The following LRP11 variants were observed in gnomAD, a reference collection of about 807,000 sequenced individuals.
LRP11 encodes the protein low-density lipoprotein receptor-related protein 11.
Under a neutral mutation model 43.1 loss-of-function variants are expected in LRP11, and 25 were observed. That is an observed-to-expected ratio of 0.58 (90% CI 0.42 to 0.81). LRP11 has a LOEUF of 0.81. Ranked by LOEUF, LRP11 falls within the 30% of genes least tolerant of loss-of-function variation. The pLI, the probability that LRP11 is intolerant of heterozygous loss-of-function variation, is 0.00. For missense variants in LRP11, 623 were observed against 665.1 expected, an observed-to-expected ratio of 0.94 and a Z score of 0.70; for synonymous variants, 316 against 299.4, an observed-to-expected ratio of 1.06 and a Z score of -0.57.
rs746258999 is a variant in LRP11, at chr6:149,863,886, C to A, written c.135G>T (p.Leu45=). ...GRAALPPAAP[L]SELHAQLSGV... is the part of the protein sequence containing the mutation. ...CCGACAGCTGCGCGTGCAGTTCGGACAGCGGCGCCGCGGGCGGCAAGGCCG... is the reference window on the plus strand; with the variant it reads ...CCGACAGCTGCGCGTGCAGTTCGGAAAGCGGCGCCGCGGGCGGCAAGGCCG... Residue 45 remains leucine (L), a synonymous_variant, in exon 1 of 7, where the codon CTG becomes CTT. Transcript: ENST00000239367. 16 of 1,494,924 alleles carry A rather than the reference C, an allele frequency of 1.1e-5. No homozygotes were observed. Among genetic ancestry groups the A allele is most frequent in the Non-Finnish European group, 1.4e-5 (16 of 1,130,600 alleles). 92.6% of individuals were successfully genotyped at this position (1,494,924 alleles called of 1,614,324 possible).
At chr6:149,831,081 G>C (rs1776402513) in intron 5 of LRP11, among the ~76,000 whole-genome samples, 1 of 152,188 alleles carries the variant, frequency 6.6e-6, no homozygotes, top group African/African-American at 2.4e-5. Context: ...ACTTGCTTCT[G>C]GAAATAGTTA....
intron 3 of LRP11, chr6:149,842,515 G>GT: frequency 1.2e-6 from 1 of 809,850 alleles, no homozygotes; most frequent in Non-Finnish European, 2.1e-6. Context: ...TCCGGTCTCA[G>GT]TGACACTTTG....
chr6:149,844,579 T>C (rs1275344629), intron 2 of LRP11, among the ~76,000 whole-genome samples: 1 of 152,212 alleles, frequency 6.6e-6, no homozygotes, highest in Non-Finnish European at 1.5e-5. Flanking sequence ...CTCCTAATGA[T>C]TCTATTACCT....
intron 1 of LRP11, among the ~76,000 whole-genome samples, chr6:149,854,858 G>A (rs1426537677): frequency 6.6e-6 from 1 of 152,178 alleles, no homozygotes; most frequent in Non-Finnish European, 1.5e-5. Flanking sequence ...ACACATCCCA[G>A]TGCTTGAGTT....
chr6:149,831,864 T>C (rs1048972015), intron 5 of LRP11, among the ~76,000 whole-genome samples: 2 of 152,176 alleles, frequency 1.3e-5, no homozygotes, highest in Non-Finnish European at 2.9e-5. Context: ...GGTTTTGCCA[T>C]GTTGCTAGGG....
chr6:149,842,844 T>A, intron 3 of LRP11, 139 bp downstream of exon 3: 1 of 1,225,172 alleles, frequency 8.2e-7, no homozygotes, highest in Admixed American at 2.3e-5. Flanking sequence ...TTATTGTGTT[T>A]TTAGCAAAGA....
intron 1 of LRP11, among the ~76,000 whole-genome samples, chr6:149,860,512 C>T (rs1776875565): frequency 1.3e-5 from 2 of 150,336 alleles, no homozygotes; most frequent in African/African-American, 4.8e-5. Context: ...GTATCATGTA[C>T]ATGCGTGCCA....
At chr6:149,849,625 T>C (rs1776689943) in intron 2 of LRP11, among the ~76,000 whole-genome samples, 1 of 152,092 alleles carries the variant, frequency 6.6e-6, no homozygotes, top group Non-Finnish European at 1.5e-5. Flanking sequence ...GCCATGACTA[T>C]AGTCCCAGCT....
chr6:149,849,006 G>A (rs1340117346), intron 2 of LRP11, among the ~76,000 whole-genome samples: 2 of 152,180 alleles, frequency 1.3e-5, no homozygotes, highest in Admixed American at 1.3e-4. Flanking sequence ...CTCACTAGAC[G>A]CCAAAGCTGA....
chr6:149,826,006 C>A, intron 6 of LRP11: 1 of 444,712 alleles, frequency 2.2e-6, no homozygotes, highest in Non-Finnish European at 4.1e-6. Context: ...TCCCACCATG[C>A]CACAAGTATG....
At chr6:149,842,838 T>G in intron 3 of LRP11, 145 bp downstream of exon 3, 4 of 1,204,956 alleles carry the variant, frequency 3.3e-6, no homozygotes, top group Non-Finnish European at 4.6e-6. Context: ...CTTTTGTTAT[T>G]GTGTTTTTAG....
chr6:149,824,941 G>A (rs1392758249), intron 6 of LRP11, among the ~76,000 whole-genome samples: 3 of 152,190 alleles, frequency 2.0e-5, no homozygotes, highest in African/African-American at 7.2e-5. Context: ...GGATACATAT[G>A]TGTGGGGAGG....
Position 149,842,464 on chromosome 6 carries a change from A to G in LRP11, c.913+519T>C. 6.4e-6 allele frequency: 4 copies of G among 621,902 alleles called. No individual in the cohort carries two copies. In the East Asian group the frequency reaches 8.3e-5, roughly 13 times the overall value. The allele number at this position is 621,902 out of a possible 1,614,324, so 38.5% of individuals were successfully genotyped here. ...AACAGACAATACATTATCATTAACT[A>G]TAGTCACCATGCTGTGCAACAGATC... On this transcript the variant is annotated intron_variant, in intron 3 of 6. Transcript: ENST00000239367.
rs1776357956 is a variant in LRP11 at position 149,827,708 on chromosome 6, C to A, written c.1253-1349G>T. Among the ~76,000 whole-genome samples the A allele has an allele frequency of 2.0e-5, 3 of 152,246 alleles. No individual in the cohort carries two copies. In the South Asian group the frequency reaches 6.2e-4, roughly 31 times the overall value. On this transcript the variant is annotated intron_variant, in intron 5 of 6. Transcript: ENST00000239367. The surrounding 1 kb of genome is among the most constrained non-coding windows in gnomAD (Gnocchi z 4.2). ...GTTACTGTCCAACTCACTGCAGTAGCCACGACAGTGGTCACCAAGGACCTC... is the reference window on the plus strand; with the variant it reads ...GTTACTGTCCAACTCACTGCAGTAGACACGACAGTGGTCACCAAGGACCTC...
intron 5 of LRP11, among the ~76,000 whole-genome samples, chr6:149,834,892 G>A (rs1178789910): frequency 6.6e-6 from 1 of 152,168 alleles, no homozygotes; most frequent in Non-Finnish European, 1.5e-5. Context: ...ATTAAAAGCA[G>A]TTTTCAAAAG....
At chr6:149,823,564 T>C (rs1189089281) in intron 6 of LRP11, among the ~76,000 whole-genome samples, 1 of 152,108 alleles carries the variant, frequency 6.6e-6, no homozygotes, top group East Asian at 1.9e-4. Flanking sequence ...ACAGTCTTGA[T>C]TTACTGGGCT....
chr6:149,858,881 T>TA (rs1776842495), intron 1 of LRP11, among the ~76,000 whole-genome samples: 1 of 152,200 alleles, frequency 6.6e-6, no homozygotes, highest in Admixed American at 6.5e-5. Flanking sequence ...ATGATTTTCC[T>TA]AAAAAATATT....
Position 149,863,609 on chromosome 6 carries a change from G to A in LRP11, c.412C>T (p.Pro138Ser). The A allele has an allele frequency of 6.9e-7, 1 of 1,457,828 alleles. No homozygotes were observed. Among genetic ancestry groups the A allele is most frequent in the South Asian group, 1.3e-5 (1 of 75,874 alleles). The allele number at this position is 1,457,828 out of a possible 1,614,324, so 90.3% of individuals were successfully genotyped here. Residue 138 changes from proline to serine, a missense_variant, in exon 1 of 7, where the codon CCG (proline) becomes TCG (serine). Coordinates refer to ENST00000239367, the MANE Select transcript of LRP11 (RefSeq NM_032832.6). ...TCCACCACGGCCACGGAGCAGCGCG[G>A]CTCGGAGCAGCAGGCCGCCACGCAT... is the stretch of plus-strand genomic sequence containing the variant. ...RQCVAACCSE[P>S]RCSVAVVELP...
intron 6 of LRP11, among the ~76,000 whole-genome samples, chr6:149,824,220 T>G (rs1187162348): frequency 6.6e-6 from 1 of 152,188 alleles, no homozygotes; most frequent in African/African-American, 2.4e-5. Context: ...AAGCTGTGGT[T>G]GAAGATGCCA....
Sources: gnomAD v4.1 joint callset for allele counts (sites outside exome capture counted in the v4.1 genomes callset) on GRCh38, gnomAD v4.1.1 for gene constraint, Gnocchi (gnomAD v3.1) non-coding constraint, MANE v1.5 for transcripts, NCBI Gene and HGNC (gene_info 2026-07-23, HGNC 2026-07-21) for gene names.